Variants in HPSE2 observed in about 807,000 individuals in gnomAD.
The protein encoded by HPSE2 is heparanase 2 (inactive), also known as inactive heparanase-2.
HPSE2 carries 38 observed loss-of-function variants against 60.5 expected under a neutral mutation model. The observed-to-expected ratio is 0.63, with a 90% CI of 0.48 to 0.82. The LOEUF is 0.82. Ranked by LOEUF, HPSE2 falls within the 40% of genes least tolerant of loss-of-function variation. HPSE2 has a pLI of 0.00. For missense variants in HPSE2, 713 were observed against 740.4 expected, an observed-to-expected ratio of 0.96 and a Z score of 0.43; for synonymous variants, 295 against 293.2, an observed-to-expected ratio of 1.01 and a Z score of -0.06.
At chr10:98,927,109 T>A (rs1381774573) in intron 3 of HPSE2, among the ~76,000 whole-genome samples, 1 of 152,068 alleles carries the variant, frequency 6.6e-6, no homozygotes, top group Non-Finnish European at 1.5e-5. Flanking sequence ...GCTCTGTAGA[T>A]GTCTATTAGG....
At chr10:98,876,712 A>G (rs2134859240) in intron 3 of HPSE2, among the ~76,000 whole-genome samples, 1 of 151,968 alleles carries the variant, frequency 6.6e-6, no homozygotes, top group Non-Finnish European at 1.5e-5. Context: ...TTTTCTTGCA[A>G]GCAGCAGCAT....
intron 9 of HPSE2, among the ~76,000 whole-genome samples, chr10:98,514,744 A>C (rs1942540042): frequency 9.4e-6 from 1 of 106,340 alleles, no homozygotes; most frequent in South Asian, 3.0e-4. Context: ...TTTTAGACAG[A>C]GTCTTGCTCT....
chr10:98,511,375 C>T (rs1041395422), intron 9 of HPSE2, among the ~76,000 whole-genome samples: 2 of 152,218 alleles, frequency 1.3e-5, no homozygotes, highest in South Asian at 2.1e-4. Flanking sequence ...TGGTCTTGAT[C>T]GCCTGACTTC....
At chr10:98,692,484 T>G (rs571443) in intron 6 of HPSE2, among the ~76,000 whole-genome samples, 53,728 of 151,988 alleles carry the variant, frequency 0.35, 9,725 homozygotes, top group Admixed American at 0.41. Flanking sequence ...CAAACAAACT[T>G]AAGGCCGGGC....
At chr10:98,484,625 C>T (rs182615877) in intron 10 of HPSE2, among the ~76,000 whole-genome samples, 64 of 152,252 alleles carry the variant, frequency 4.2e-4, no homozygotes, top group African/African-American at 1.4e-3. Flanking sequence ...TTTCTTTGAC[C>T]GTTTCAGTTT....
At chr10:98,693,241 T>C (rs542819251) in intron 6 of HPSE2, among the ~76,000 whole-genome samples, 41 of 152,350 alleles carry the variant, frequency 2.7e-4, no homozygotes, top group Non-Finnish European at 4.9e-4. Context: ...TAGTGAGACA[T>C]TGACTGTTAA....
chr10:98,597,433 G>T (rs1945270231), intron 9 of HPSE2, among the ~76,000 whole-genome samples: 1 of 152,104 alleles, frequency 6.6e-6, no homozygotes, highest in Middle Eastern at 3.4e-3. Context: ...GGAAGGCCAA[G>T]GCGGGTGGAT....
intron 6 of HPSE2, among the ~76,000 whole-genome samples, chr10:98,657,082 T>G (rs1947089560): frequency 6.6e-6 from 1 of 151,820 alleles, no homozygotes; most frequent in African/African-American, 2.4e-5. Context: ...TTTTTTAGAG[T>G]ACTAATTTTC....
chr10:98,778,656 GC>G (rs1362319378), intron 3 of HPSE2, among the ~76,000 whole-genome samples: 1 of 152,122 alleles, frequency 6.6e-6, no homozygotes, highest in Non-Finnish European at 1.5e-5. Context: ...CAAAATGGAT[GC>G]CGAGGCAATG....
At chr10:99,075,692 A>ATT (rs1842931591) in intron 3 of HPSE2, among the ~76,000 whole-genome samples, 1 of 152,022 alleles carries the variant, frequency 6.6e-6, no homozygotes, top group African/African-American at 2.4e-5. Context: ...TTTGTTTTAA[A>ATT]TATTTAAGTG....
At chr10:98,793,575 G>A (rs1190557932) in intron 3 of HPSE2, among the ~76,000 whole-genome samples, 1 of 152,248 alleles carries the variant, frequency 6.6e-6, no homozygotes, top group African/African-American at 2.4e-5. Flanking sequence ...ACAGAAGAGT[G>A]TGGGATGAGG....
chr10:98,652,595 C>CT (rs1408407530), intron 6 of HPSE2, among the ~76,000 whole-genome samples: 1 of 152,230 alleles, frequency 6.6e-6, no homozygotes, highest in Non-Finnish European at 1.5e-5. Context: ...CCCCTGAGTT[C>CT]TGTCACTTGA....
intron 3 of HPSE2, among the ~76,000 whole-genome samples, chr10:99,053,946 G>C (rs1385427735): frequency 6.6e-6 from 1 of 150,974 alleles, no homozygotes; most frequent in Non-Finnish European, 1.5e-5. Flanking sequence ...ATGTTGCTCA[G>C]GCTGGTCTCG....
At chr10:99,096,246 A>T (rs543802756) in intron 3 of HPSE2, among the ~76,000 whole-genome samples, 1 of 152,334 alleles carries the variant, frequency 6.6e-6, no homozygotes, top group African/African-American at 2.4e-5. Context: ...CCACTGAATA[A>T]TTATACAATA....
chr10:98,758,864 T>A (rs1322068835), intron 3 of HPSE2, among the ~76,000 whole-genome samples: 1 of 152,194 alleles, frequency 6.6e-6, no homozygotes, highest in Non-Finnish European at 1.5e-5. Context: ...TAAATCATTC[T>A]ACCATAAAGA....
the HPSE2 span, among the ~76,000 whole-genome samples, chr10:99,283,530 A>T: frequency 0.012 from 1,812 of 151,848 alleles, 23 homozygotes; most frequent in Non-Finnish European, 0.02. Flanking sequence ...TTAAAAAAAA[A>T]TTTTTTTAAA....
At chr10:99,262,791 A>C in the HPSE2 span, among the ~76,000 whole-genome samples, 27 of 151,768 alleles carry the variant, frequency 1.8e-4, no homozygotes, top group Non-Finnish European at 3.5e-4. Context: ...ATACTCTCCT[A>C]TCCTCAATAC....
intron 3 of HPSE2, among the ~76,000 whole-genome samples, chr10:99,002,221 G>C (rs953297650): frequency 6.6e-6 from 1 of 151,974 alleles, no homozygotes; most frequent in East Asian, 1.9e-4. Context: ...ATAAGCAATT[G>C]ATCAATAAAT....
At chr10:98,619,646 C>T (rs1300490899) in intron 8 of HPSE2, among the ~76,000 whole-genome samples, 1 of 152,148 alleles carries the variant, frequency 6.6e-6, no homozygotes, top group Non-Finnish European at 1.5e-5. Flanking sequence ...GATAACAAGG[C>T]TTTAGTCACA....
Sources: allele counts gnomAD v4.1 joint callset (sites outside exome capture counted in the v4.1 genomes callset), GRCh38; gene constraint gnomAD v4.1.1; transcripts MANE v1.5; gene names NCBI Gene and HGNC (gene_info 2026-07-23, HGNC 2026-07-21).